Variants in SMURF2 observed in about 807,000 individuals in gnomAD.
SMURF2 encodes E3 ubiquitin-protein ligase SMURF2.
In SMURF2, 48 loss-of-function variants were observed where a neutral mutation model predicts 109.6. That is an observed-to-expected ratio of 0.44 (90% CI 0.35 to 0.56). The LOEUF is 0.56. Among genes scored for constraint, SMURF2 ranks in the 20% least tolerant of loss-of-function variants. SMURF2 has a pLI of 0.01. For synonymous variants in SMURF2, 288 were observed against 317.1 expected (o/e 0.91, Z 0.97); for missense variants, 575 against 909.0 (o/e 0.63, Z 4.72).
intron 1 of SMURF2, among the ~76,000 whole-genome samples, chr17:64,650,210 T>A (rs1970617460): frequency 6.6e-6 from 1 of 151,522 alleles, no homozygotes; most frequent in South Asian, 2.1e-4. Context: ...TTGCCTTTTT[T>A]TTTTTTTTTT....
rs781951576 is a variant in SMURF2 at position 64,571,891 on chromosome 17, G to A, written c.923C>T (p.Thr308Met). The A allele has an allele frequency of 5.0e-6, 8 of 1,613,662 alleles. No homozygotes were observed. The highest frequency in any genetic ancestry group is 4.5e-5 in the East Asian group (2 of 44,878). ...AACGAAATAAACTCTGCCTGTTGCCGTATTACGGATCTCCCATCCAGGAGG... is the reference window on the plus strand; with the variant it reads ...AACGAAATAAACTCTGCCTGTTGCCATATTACGGATCTCCCATCCAGGAGG... ...PLPPGWEIRN[T>M]ATGRVYFVDH... is the part of the protein sequence containing the mutation. Residue 308 changes from threonine to methionine, a missense_variant, in exon 10 of 19, where the codon ACG becomes ATG. Coordinates refer to ENST00000262435, the MANE Select transcript of SMURF2 (RefSeq NM_022739.4).
In SMURF2 at chr17:64,571,872, A is replaced by G. The variant is rs1216293544; in HGVS notation, c.942T>C (p.Tyr314=). The stretch of plus-strand genomic sequence containing the variant: ...TTGTTCTGTTGTTATGGTCAACGAA[A>G]TAAACTCTGCCTGTTGCCGTATTAC... ...EIRNTATGRV[Y]FVDHNNRTTQ... is the part of the protein sequence containing the mutation. The change falls in exon 10 of 19, where the codon TAT becomes TAC. Residue 314 remains tyrosine (Y), a synonymous_variant. Coordinates refer to ENST00000262435, the MANE Select transcript of SMURF2 (RefSeq NM_022739.4). 1 of 1,613,872 alleles carries G rather than the reference A, an allele frequency of 6.2e-7. No homozygotes were observed. Among genetic ancestry groups the G allele is most frequent in the Non-Finnish European group, 8.5e-7 (1 of 1,179,924 alleles).
chr17:64,566,561 G>GTTTTTTTTTTTTTTTTTTTTTTGTTTTTT (rs1969307224), intron 10 of SMURF2, among the ~76,000 whole-genome samples: 1 of 43,784 alleles, frequency 2.3e-5, no homozygotes, highest in Non-Finnish European at 4.2e-5. Context: ...AAGCTTTCTG[G>GTTTTTTTTTTTTTTTTTTTTTTGTTTTTT]TTTTTTTTTT....
chr17:64,627,550 G>A (rs1970284624), intron 1 of SMURF2, among the ~76,000 whole-genome samples: 1 of 152,112 alleles, frequency 6.6e-6, no homozygotes, highest in Non-Finnish European at 1.5e-5. Context: ...AAAGTATATA[G>A]CTACTGAACT....
At chr17:64,590,092 A>G (rs1389299969) in intron 5 of SMURF2, among the ~76,000 whole-genome samples, 12 of 150,434 alleles carry the variant, frequency 8.0e-5, no homozygotes, top group Admixed American at 7.9e-4. Flanking sequence ...AAATAATCTC[A>G]CTAAGTTCTG....
chr17:64,566,025 T>A (rs557947493), intron 10 of SMURF2, among the ~76,000 whole-genome samples: 2 of 152,024 alleles, frequency 1.3e-5, no homozygotes, highest in Non-Finnish European at 2.9e-5. Flanking sequence ...AAAACCATAA[T>A]AGATGTACCA....
chr17:64,586,682 C>T (rs782179680), intron 5 of SMURF2, among the ~76,000 whole-genome samples: 4 of 130,940 alleles, frequency 3.1e-5, no homozygotes, highest in African/African-American at 5.9e-5. Flanking sequence ...ACCTGGGAGG[C>T]GGAGCTTGCA....
intron 1 of SMURF2, among the ~76,000 whole-genome samples, chr17:64,643,645 A>G (rs1230939101): frequency 1.3e-5 from 2 of 152,206 alleles, no homozygotes; most frequent in Non-Finnish European, 2.9e-5. Flanking sequence ...GTGCTGCACT[A>G]TTCCTTGCTG....
At chr17:64,589,733 G>A (rs1446153180) in intron 5 of SMURF2, among the ~76,000 whole-genome samples, 1 of 151,936 alleles carries the variant, frequency 6.6e-6, no homozygotes, top group Non-Finnish European at 1.5e-5. Flanking sequence ...CTAGTTGCAG[G>A]AAAACAAGCT....
At chr17:64,628,829 A>T (rs1469928336) in intron 1 of SMURF2, among the ~76,000 whole-genome samples, 1 of 152,184 alleles carries the variant, frequency 6.6e-6, no homozygotes, top group Admixed American at 6.6e-5. Flanking sequence ...TCTTCAGATG[A>T]GGACCTCACA....
Position 64,591,139 on chromosome 17 carries a change from C to T in SMURF2, c.345G>A (p.Leu115=). Residue 115 remains leucine, a synonymous_variant, in exon 5 of 19, where the codon TTG becomes TTA. Transcript: ENST00000262435. The stretch of plus-strand genomic sequence containing the variant: ...CATTTGGCCCGAGTTTGCATAAATC[C>T]AACCTCTGATCTATTTGAAGTCAAC... The part of the protein sequence containing the change: ...NRLKDTGYQR[L]DLCKLGPNDN... 6.2e-7 allele frequency: 1 copy of T among 1,612,296 alleles called. No homozygotes were observed. The highest frequency in any genetic ancestry group is 8.5e-7 in the Non-Finnish European group (1 of 1,179,174).
chr17:64,639,153 C>G (rs554521912), intron 1 of SMURF2, among the ~76,000 whole-genome samples: 1 of 152,314 alleles, frequency 6.6e-6, no homozygotes, highest in African/African-American at 2.4e-5. Flanking sequence ...TGTGAAAAAT[C>G]TTAAACTACA....
At chr17:64,566,561 G>GTTTTTTTTTT (rs1164717270) in intron 10 of SMURF2, among the ~76,000 whole-genome samples, 617 of 43,770 alleles carry the variant, frequency 0.014, 172 homozygotes, top group Middle Eastern at 0.023. Flanking sequence ...AAGCTTTCTG[G>GTTTTTTTTTT]TTTTTTTTTT....
intron 11 of SMURF2, 78 bp from the exon 12 acceptor site, chr17:64,561,681 T>C: frequency 9.1e-7 from 1 of 1,096,078 alleles, no homozygotes; most frequent in East Asian, 2.6e-5. Flanking sequence ...TGCCAATCCA[T>C]CCAAAAAACT....
chr17:64,590,025 T>C (rs1427851560), intron 5 of SMURF2, among the ~76,000 whole-genome samples: 2 of 152,062 alleles, frequency 1.3e-5, no homozygotes, highest in African/African-American at 4.8e-5. Context: ...CCCAATTCAC[T>C]GCCTTGTAAA....
intron 12 of SMURF2, among the ~76,000 whole-genome samples, chr17:64,560,664 C>T (rs1433100623): frequency 1.3e-5 from 2 of 151,724 alleles, no homozygotes; most frequent in African/African-American, 2.4e-5. Flanking sequence ...AATATAATAT[C>T]AGAAATAAAT....
rs1406025236 is a variant in SMURF2, at chr17:64,661,823, C to A, written c.52+6G>T. On this transcript the variant is annotated splice_donor_region_variant and intron_variant, in intron 1 of 18. Transcript: ENST00000262435. ...CTGCCCAGCCCGGCCCGCCGCCCCC[C>A]CTCACCTGTCAGGCGCAGCTTGACG... The A allele has an allele frequency of 1.3e-5, 16 of 1,222,376 alleles. No homozygotes were observed. The East Asian group carries it at 2.9e-4, about 22-fold the overall frequency. 75.7% of individuals were successfully genotyped at this position (1,222,376 alleles called of 1,614,324 possible).
chr17:64,573,435 C>CA (rs1555685781), intron 9 of SMURF2, among the ~76,000 whole-genome samples: 2 of 151,870 alleles, frequency 1.3e-5, no homozygotes, highest in African/African-American at 4.8e-5. Flanking sequence ...ACAGTGAAAC[C>CA]AATGATGGGC....
intron 1 of SMURF2, among the ~76,000 whole-genome samples, chr17:64,613,699 T>A (rs537191975): frequency 4.9e-4 from 63 of 127,706 alleles, no homozygotes; most frequent in African/African-American, 1.9e-3. Flanking sequence ...TGTGTGTGTG[T>A]GTGTGTGTGT....
Sources: allele counts gnomAD v4.1 joint callset (sites outside exome capture counted in the v4.1 genomes callset), GRCh38; gene constraint gnomAD v4.1.1; transcripts MANE v1.5; gene names NCBI Gene and HGNC (gene_info 2026-07-23, HGNC 2026-07-21).